RABGAP1L: variants seen among roughly 807,000 people sequenced by gnomAD.
RABGAP1L encodes the protein RAB GTPase activating protein 1 like.
In RABGAP1L, 63 loss-of-function variants were observed where a neutral mutation model predicts 137.7. That is an observed-to-expected ratio of 0.46 (90% CI 0.37 to 0.56). The LOEUF (loss-of-function observed/expected upper bound fraction) is 0.56, where lower values mean the gene tolerates loss of function less well. Ranked by LOEUF, RABGAP1L falls within the 20% of genes least tolerant of loss-of-function variation. The pLI, the probability that RABGAP1L is intolerant of heterozygous loss-of-function variation, is 0.00. For missense variants in RABGAP1L, 1,095 were observed against 1,244.0 expected (o/e 0.88, Z 1.80); for synonymous variants, 431 against 433.7 (o/e 0.99, Z 0.08).
chr1:174,317,668 T>C (rs997318402), intron 11 of RABGAP1L, among the ~76,000 whole-genome samples: 9 of 152,158 alleles, frequency 5.9e-5, no homozygotes, highest in African/African-American at 2.2e-4. Flanking sequence ...TATGTCATGT[T>C]TCCCCCCAGT....
At chr1:174,631,750 A>T (rs1673400500) in intron 13 of RABGAP1L, among the ~76,000 whole-genome samples, 1 of 143,494 alleles carries the variant, frequency 7.0e-6, no homozygotes, top group Non-Finnish European at 1.5e-5. Flanking sequence ...TGCTTGGTAG[A>T]TCTTCCTCCA....
chr1:174,799,151 CTT>C (rs1261854577), intron 18 of RABGAP1L, among the ~76,000 whole-genome samples: 2 of 152,170 alleles, frequency 1.3e-5, no homozygotes, highest in Admixed American at 1.3e-4. Context: ...AATGTATACT[CTT>C]AATACGTGTT....
intron 19 of RABGAP1L, chr1:174,897,418 T>G (rs1297343398): frequency 2.6e-5 from 4 of 152,218 alleles, no homozygotes; most frequent in African/African-American, 9.6e-5. Flanking sequence ...ATGAAATCAT[T>G]GTTAATTCAT....
intron 19 of RABGAP1L, among the ~76,000 whole-genome samples, chr1:174,866,656 A>G (rs1651299744): frequency 6.6e-6 from 1 of 152,170 alleles, no homozygotes; most frequent in African/African-American, 2.4e-5. Flanking sequence ...TCACACCTGT[A>G]ATCCCAGCAC....
intron 13 of RABGAP1L, among the ~76,000 whole-genome samples, chr1:174,469,955 A>T (rs570668153): frequency 6.6e-6 from 1 of 152,230 alleles, no homozygotes; most frequent in South Asian, 2.1e-4. Context: ...TGGAGGAAAA[A>T]AAAAAAGTTC....
chr1:174,348,275 G>A (rs1158084296), intron 11 of RABGAP1L, among the ~76,000 whole-genome samples: 3 of 146,092 alleles, frequency 2.1e-5, no homozygotes, highest in African/African-American at 2.5e-5. Flanking sequence ...ATACTATTAG[G>A]TTGGTGCAAA....
chr1:174,864,990 A>T (rs1259919460), intron 19 of RABGAP1L, among the ~76,000 whole-genome samples: 1 of 149,592 alleles, frequency 6.7e-6, no homozygotes, highest in East Asian at 1.9e-4. Context: ...GGTGGCACAC[A>T]CCTGTGGTCC....
intron 13 of RABGAP1L, among the ~76,000 whole-genome samples, chr1:174,627,968 A>G (rs1382565499): frequency 6.6e-6 from 1 of 152,054 alleles, no homozygotes; most frequent in African/African-American, 2.4e-5. Context: ...GACTTCAACT[A>G]TTTTTTATCT....
At chr1:174,586,546 A>G (rs1361794976) in intron 13 of RABGAP1L, among the ~76,000 whole-genome samples, 1 of 151,178 alleles carries the variant, frequency 6.6e-6, no homozygotes, top group African/African-American at 2.4e-5. Flanking sequence ...AGAACTTAAG[A>G]AAAAAAAATG....
At chr1:174,841,698 TA>T (rs1693424991) in intron 19 of RABGAP1L, among the ~76,000 whole-genome samples, 1 of 152,024 alleles carries the variant, frequency 6.6e-6, no homozygotes, top group African/African-American at 2.4e-5. Flanking sequence ...GGGGAAATGA[TA>T]AAAATAGAAA....
intron 1 of RABGAP1L, among the ~76,000 whole-genome samples, chr1:174,177,746 C>A (rs2148273200): frequency 6.6e-6 from 1 of 152,236 alleles, no homozygotes; most frequent in South Asian, 2.1e-4. Context: ...GAATTCTTTC[C>A]CCATTGCTTG....
chr1:174,257,490 A>G (rs1673228874), intron 7 of RABGAP1L, among the ~76,000 whole-genome samples: 1 of 152,220 alleles, frequency 6.6e-6, no homozygotes, highest in Non-Finnish European at 1.5e-5. Flanking sequence ...ACATTTAAAT[A>G]TATTACACAA....
chr1:174,644,227 T>C (rs1674770254), intron 14 of RABGAP1L, among the ~76,000 whole-genome samples: 1 of 151,986 alleles, frequency 6.6e-6, no homozygotes, highest in Non-Finnish European at 1.5e-5. Flanking sequence ...GAATGAGTGA[T>C]TTATAATACT....
At chr1:174,389,874 T>A (rs1687082819) in intron 12 of RABGAP1L, among the ~76,000 whole-genome samples, 1 of 152,138 alleles carries the variant, frequency 6.6e-6, no homozygotes, top group African/African-American at 2.4e-5. Context: ...ATGTATGACT[T>A]TAAAAATAAT....
rs563624028 is a variant in RABGAP1L at position 174,203,296 on chromosome 1, A to G, written c.-33-15829A>G. The stretch of plus-strand genomic sequence containing the variant: ...CCCATTGCTCATTTGTATATGATGT[A>G]AGGAAATGGTCCATCTTCAGTGTTC... On this transcript the variant is annotated intron_variant, in intron 1 of 25. Transcript: ENST00000681986. 9.8e-5 allele frequency among the ~76,000 whole-genome samples: 15 copies of G among 152,292 alleles called. 1 individual carries two copies. In the South Asian group the frequency reaches 3.1e-3, roughly 32 times the overall value.
intron 19 of RABGAP1L, among the ~76,000 whole-genome samples, chr1:174,842,379 C>T (rs1200337208): frequency 6.6e-6 from 1 of 152,184 alleles, no homozygotes; most frequent in Non-Finnish European, 1.5e-5. Flanking sequence ...AGAAAAAACT[C>T]ATTACTAGGA....
At chr1:174,811,255 A>G (rs747985341) in intron 18 of RABGAP1L, among the ~76,000 whole-genome samples, 8 of 152,312 alleles carry the variant, frequency 5.3e-5, no homozygotes, top group Middle Eastern at 6.8e-3. Flanking sequence ...TTTTCAGAAG[A>G]GATCAGTAGT....
chr1:174,478,486 A>G (rs908273428), intron 13 of RABGAP1L, among the ~76,000 whole-genome samples: 1 of 152,058 alleles, frequency 6.6e-6, no homozygotes, highest in African/African-American at 2.4e-5. Flanking sequence ...TGTGTTGCCC[A>G]GGCTAATCTT....
chr1:174,969,890 T>C (rs1326779310), intron 21 of RABGAP1L, among the ~76,000 whole-genome samples: 1 of 152,224 alleles, frequency 6.6e-6, no homozygotes, highest in Non-Finnish European at 1.5e-5. Flanking sequence ...CATATGACCC[T>C]GGACAGTTCT....
Sources: allele counts gnomAD v4.1 joint callset (sites outside exome capture counted in the v4.1 genomes callset), GRCh38; gene constraint gnomAD v4.1.1; transcripts MANE v1.5; gene names NCBI Gene and HGNC (gene_info 2026-07-23, HGNC 2026-07-21).